The following AFG1L variants were observed in gnomAD, a reference collection of about 807,000 sequenced individuals.
AFG1L encodes AFG1 like ATPase, also known as AFG1-like ATPase.
AFG1L carries 53 observed loss-of-function variants against 62.2 expected under a neutral mutation model. That is an observed-to-expected ratio of 0.85 (90% CI 0.68 to 1.07). AFG1L has a LOEUF of 1.07. Ranked by LOEUF, AFG1L falls within the 50% of genes least tolerant of loss-of-function variation. The pLI is 0.00. For missense variants in AFG1L, 555 were observed against 590.5 expected (o/e 0.94, Z 0.62); for synonymous variants, 228 against 210.3 (o/e 1.08, Z -0.73).
At chr6:108,422,896 A>G (rs1770665332) in intron 7 of AFG1L, among the ~76,000 whole-genome samples, 1 of 152,052 alleles carries the variant, frequency 6.6e-6, no homozygotes. Context: ...ATGCTCTGAG[A>G]TGCTTTTGGC....
intron 7 of AFG1L, among the ~76,000 whole-genome samples, chr6:108,406,579 A>G (rs1781868300): frequency 6.6e-6 from 1 of 152,116 alleles, no homozygotes; most frequent in African/African-American, 2.4e-5. Context: ...CTGGGATTAC[A>G]GGCACATGCC....
At position 108,522,526 on chromosome 6, in the gene AFG1L, C is replaced by G; in HGVS notation, c.*101C>G. 1 of 1,315,548 alleles carries G rather than the reference C, an allele frequency of 7.6e-7. No individual in the cohort carries two copies. The highest frequency in any genetic ancestry group is 1.5e-5 in the South Asian group (1 of 65,924). The allele number at this position is 1,315,548 out of a possible 1,614,324, so 81.5% of individuals were successfully genotyped here. On this transcript the variant is annotated 3_prime_UTR_variant, in exon 13 of 13. Coordinates refer to ENST00000368977, the MANE Select transcript of AFG1L (RefSeq NM_145315.5). ...AATCATTTTCTCATCATTAATTATG[C>G]ACTTTGTCCTCTGGACCATTTTAAT...
intron 7 of AFG1L, among the ~76,000 whole-genome samples, chr6:108,434,852 C>T (rs113698052): frequency 0.028 from 4,330 of 152,300 alleles, 94 homozygotes; most frequent in Middle Eastern, 0.085. Flanking sequence ...ATCCCCAATT[C>T]GCTAAGCTGT....
intron 2 of AFG1L, among the ~76,000 whole-genome samples, chr6:108,340,928 G>A (rs1339274226): frequency 6.6e-6 from 1 of 152,170 alleles, no homozygotes; most frequent in Non-Finnish European, 1.5e-5. Context: ...GACATCTTCT[G>A]AAAGTGATGA....
intron 12 of AFG1L, chr6:108,520,605 A>G (rs1775088922): frequency 6.6e-6 from 1 of 152,254 alleles, no homozygotes; most frequent in South Asian, 2.1e-4. Context: ...CTCTGGAACA[A>G]GGAAACAATT....
At chr6:108,299,260 CA>C (rs1562460106) in intron 1 of AFG1L, among the ~76,000 whole-genome samples, 1 of 125,350 alleles carries the variant, frequency 8.0e-6, no homozygotes, top group South Asian at 2.5e-4. Context: ...GACTCCATCT[CA>C]AAAAAGAAAA....
At chr6:108,325,092 T>C (rs1777987133) in intron 2 of AFG1L, among the ~76,000 whole-genome samples, 1 of 152,196 alleles carries the variant, frequency 6.6e-6, no homozygotes, top group African/African-American at 2.4e-5. Context: ...GCAGCCTCAG[T>C]CAGCCTCCTG....
chr6:108,350,492 T>C (rs1889887), intron 3 of AFG1L, among the ~76,000 whole-genome samples: 150,873 of 152,296 alleles, frequency 0.99, 74,741 homozygotes, highest in East Asian at 1. Context: ...CTCAGATGGA[T>C]TCTAAATCCT....
At chr6:108,329,712 T>C (rs1318110220) in intron 2 of AFG1L, among the ~76,000 whole-genome samples, 6 of 152,196 alleles carry the variant, frequency 3.9e-5, no homozygotes, top group Non-Finnish European at 8.8e-5. Flanking sequence ...CTATTTTTTT[T>C]CTAAAAACAA....
intron 6 of AFG1L, among the ~76,000 whole-genome samples, chr6:108,388,474 G>A (rs1780874533): frequency 6.6e-6 from 1 of 152,100 alleles, no homozygotes; most frequent in African/African-American, 2.4e-5. Flanking sequence ...ATGTTAGGGT[G>A]TCAATTTTAG....
intron 1 of AFG1L, among the ~76,000 whole-genome samples, chr6:108,313,589 G>A (rs1054957792): frequency 7.2e-5 from 11 of 152,030 alleles, no homozygotes; most frequent in African/African-American, 2.7e-4. Context: ...CCAGGCTGTG[G>A]AGTGCAGTGA....
chr6:108,366,162 A>T (rs1330789556), intron 5 of AFG1L, 71 bp from the exon 6 acceptor site: 5 of 844,580 alleles, frequency 5.9e-6, no homozygotes, highest in Non-Finnish European at 7.6e-6. Flanking sequence ...TTAAAAAAAA[A>T]GATGATCCAC....
At chr6:108,323,164 A>G (rs1252407889) in intron 1 of AFG1L, among the ~76,000 whole-genome samples, 2 of 152,172 alleles carry the variant, frequency 1.3e-5, no homozygotes, top group Non-Finnish European at 1.5e-5. Context: ...AAGAACCAGA[A>G]TTAGGGTTTA....
rs77804230 is a variant in AFG1L, at chr6:108,499,215, C to T, written c.1063-10997C>T. On this transcript the variant is annotated intron_variant, in intron 10 of 12. Transcript: ENST00000368977. ...TCCCAAGTAGCTGGGACTACAGGCACGTGCCACTACATGTGGCTAAGTTTT... is the reference window on the plus strand; with the variant it reads ...TCCCAAGTAGCTGGGACTACAGGCATGTGCCACTACATGTGGCTAAGTTTT... 2.2e-3 allele frequency among the ~76,000 whole-genome samples: 335 copies of T among 151,014 alleles called. 10 individuals are homozygous for T. In the East Asian group the frequency reaches 0.061, roughly 27 times the overall value.
intron 7 of AFG1L, among the ~76,000 whole-genome samples, chr6:108,404,316 T>G (rs551867216): frequency 3.3e-4 from 50 of 152,296 alleles, no homozygotes; most frequent in African/African-American, 1.1e-3. Context: ...AAATTCATTT[T>G]AAAAAATGTT....
chr6:108,305,337 C>T (rs1777162321), intron 1 of AFG1L, among the ~76,000 whole-genome samples: 1 of 152,194 alleles, frequency 6.6e-6, no homozygotes. Flanking sequence ...TCCTGGACTT[C>T]ACTACCTTTC....
chr6:108,514,030 C>T (rs957903141), intron 11 of AFG1L, among the ~76,000 whole-genome samples: 1 of 152,204 alleles, frequency 6.6e-6, no homozygotes, highest in African/African-American at 2.4e-5. Context: ...CAGCAAACTC[C>T]AACAGACCTG....
chr6:108,356,776 G>GA lies in AFG1L; in HGVS notation c.607dup (p.Ile203AsnfsTer11), dbSNP rs759162521. 6.2e-7 allele frequency: 1 copy of GA among 1,613,474 alleles called. No homozygotes were observed. Among genetic ancestry groups the GA allele is most frequent in the African/African-American group, 1.3e-5 (1 of 75,038 alleles). ...TGACCCAATAGCTCCCATAGCCGAA[G>GA]AAATCAGCGAAGAAGCATGTCTCCT... On this transcript the variant is annotated frameshift_variant, in exon 5 of 13. Transcript: ENST00000368977. LOFTEE classifies it high-confidence loss of function.
intron 7 of AFG1L, among the ~76,000 whole-genome samples, chr6:108,430,071 C>T (rs977012735): frequency 1.3e-4 from 19 of 151,836 alleles, no homozygotes; most frequent in African/African-American, 4.4e-4. Context: ...CCTCAGCCTC[C>T]TGAGTGGCTG....
Sources: gnomAD v4.1 joint callset for allele counts (sites outside exome capture counted in the v4.1 genomes callset) on GRCh38, gnomAD v4.1.1 for gene constraint, MANE v1.5 for transcripts, NCBI Gene and HGNC (gene_info 2026-07-23, HGNC 2026-07-21) for gene names.